Variants in COL14A1 observed in about 807,000 individuals in gnomAD.
COL14A1 encodes the protein collagen type XIV alpha 1 chain, also known as collagen alpha-1(XIV) chain.
A neutral mutation model predicts 230.3 loss-of-function variants in COL14A1; 136 were observed. The observed-to-expected ratio is 0.59, with a 90% CI of 0.51 to 0.68. The LOEUF is 0.68. Ranked by LOEUF, COL14A1 falls within the 30% of genes least tolerant of loss-of-function variation. The pLI is 0.00. For synonymous variants in COL14A1, 792 were observed against 784.1 expected, an observed-to-expected ratio of 1.01 and a Z score of -0.17; for missense variants, 1,976 against 2,215.8, an observed-to-expected ratio of 0.89 and a Z score of 2.17.
chr8:120,207,191 C>T (rs1817463847), intron 10 of COL14A1, 97 bp downstream of exon 10: 5 of 1,055,168 alleles, frequency 4.7e-6, no homozygotes, highest in African/African-American at 3.3e-5. Flanking sequence ...AAGATTATTC[C>T]GTCACAGACA....
At chr8:120,298,267 G>A (rs910063322) in intron 35 of COL14A1, among the ~76,000 whole-genome samples, 12 of 151,878 alleles carry the variant, frequency 7.9e-5, no homozygotes, top group Admixed American at 7.9e-4. Context: ...TTCACACGAA[G>A]TCCAGTGGGT....
chr8:120,271,298 A>G (rs1232783342), intron 26 of COL14A1, among the ~76,000 whole-genome samples: 1 of 151,642 alleles, frequency 6.6e-6, no homozygotes, highest in Non-Finnish European at 1.5e-5. Flanking sequence ...TGGATGATAA[A>G]ATAATCTGTG....
At chr8:120,254,465 C>A (rs1178653952) in intron 22 of COL14A1, among the ~76,000 whole-genome samples, 1 of 152,024 alleles carries the variant, frequency 6.6e-6, no homozygotes, top group East Asian at 1.9e-4. Context: ...TTGCAGAACC[C>A]TTCCATTTTG....
At chr8:120,222,166 A>G (rs916898667) in intron 14 of COL14A1, among the ~76,000 whole-genome samples, 5 of 152,196 alleles carry the variant, frequency 3.3e-5, no homozygotes, top group African/African-American at 1.2e-4. Context: ...TCAAATTGGG[A>G]GTAATAATTA....
chr8:120,231,685 C>T lies in COL14A1; in HGVS notation c.2349+67C>T, dbSNP rs114281670. ...CTAACACAGCTAATAAGACTGTCTT[C>T]GGAGATCAATGCAAACTTTACTGCT... On this transcript the variant is annotated intron_variant, in intron 19 of 47. Coordinates refer to ENST00000297848, the MANE Select transcript of COL14A1 (RefSeq NM_021110.4). 1,190 of 1,509,208 alleles carry T rather than the reference C, an allele frequency of 7.9e-4. 6 individuals are homozygous for T. The African/African-American group carries it at 0.014, about 18-fold the overall frequency. The allele number at this position is 1,509,208 out of a possible 1,614,324, so 93.5% of individuals were successfully genotyped here.
intron 2 of COL14A1, among the ~76,000 whole-genome samples, chr8:120,157,377 A>T (rs532307679): frequency 6.6e-6 from 1 of 152,198 alleles, no homozygotes; most frequent in Non-Finnish European, 1.5e-5. Context: ...CTCTCAAATT[A>T]TCATATAATC....
At chr8:120,159,526 G>A (rs1815588996) in intron 3 of COL14A1, among the ~76,000 whole-genome samples, 1 of 151,874 alleles carries the variant, frequency 6.6e-6, no homozygotes, top group South Asian at 2.1e-4. Flanking sequence ...CCTTTCAGTG[G>A]TAGACCTTTT....
chr8:120,262,987 C>G lies in COL14A1; in HGVS notation c.2989C>G (p.Pro997Ala), dbSNP rs762960506. The stretch of plus-strand genomic sequence containing the variant: ...TACAAAGCTCCAGGAGATTGAAGGA[C>G]CTAGTGTGAGCATAATGGAAAAAAC... The part of the protein sequence containing the change: ...VYTKLQEIEG[P>A]SVSIMEKTQS... Residue 997 changes from proline (P) to alanine (A), a missense_variant, in exon 24 of 48, where the codon CCT becomes GCT. Physicochemically the swap from Pro to Ala is conservative, Grantham distance 27. Coordinates refer to ENST00000297848, the MANE Select transcript of COL14A1 (RefSeq NM_021110.4). The G allele has an allele frequency of 1.2e-6, 2 of 1,611,734 alleles. No homozygotes were observed. Among genetic ancestry groups the G allele is most frequent in the Non-Finnish European group, 1.7e-6 (2 of 1,179,260 alleles).
At chr8:120,172,824 C>CTTCCCACCTTGAATGCATTAAG (rs1327895617) in intron 5 of COL14A1, among the ~76,000 whole-genome samples, 3 of 152,180 alleles carry the variant, frequency 2.0e-5, no homozygotes, top group Admixed American at 6.5e-5. Context: ...CTATCAAATA[C>CTTCCCACCTTGAATGCATTAAG]AACTTCCCAC....
At chr8:120,307,328 C>T (rs368883077) in intron 36 of COL14A1, among the ~76,000 whole-genome samples, 2 of 152,160 alleles carry the variant, frequency 1.3e-5, no homozygotes, top group East Asian at 1.9e-4. Context: ...TGATATATGG[C>T]ACTTGATAGT....
intron 1 of COL14A1, among the ~76,000 whole-genome samples, chr8:120,128,237 G>T (rs1425630062): frequency 7.5e-6 from 1 of 133,456 alleles, no homozygotes; most frequent in African/African-American, 3.6e-5. Context: ...GCGTGTGTGT[G>T]TGTGTGTGTG....
intron 42 of COL14A1, among the ~76,000 whole-genome samples, chr8:120,336,599 G>A (rs553732289): frequency 5.3e-5 from 8 of 152,144 alleles, no homozygotes; most frequent in South Asian, 4.2e-4. Flanking sequence ...CAACTCCCTC[G>A]TGTCACTGTC....
chr8:120,341,001 C>T (rs1003161432), intron 42 of COL14A1, among the ~76,000 whole-genome samples: 12 of 151,926 alleles, frequency 7.9e-5, no homozygotes, highest in African/African-American at 2.2e-4. Context: ...CATAGAGTGG[C>T]GTTTAGGGTG....
intron 1 of COL14A1, among the ~76,000 whole-genome samples, chr8:120,141,356 A>G (rs550933163): frequency 6.6e-6 from 1 of 152,242 alleles, no homozygotes; most frequent in East Asian, 1.9e-4. Context: ...TAGCCTGCAC[A>G]AGATGGGGAG....
chr8:120,164,418 T>G (rs992684980), intron 4 of COL14A1, among the ~76,000 whole-genome samples: 1 of 152,162 alleles, frequency 6.6e-6, no homozygotes, highest in African/African-American at 2.4e-5. Flanking sequence ...CTTCCCTCCC[T>G]TTTTTCTCTT....
intron 34 of COL14A1, among the ~76,000 whole-genome samples, chr8:120,296,445 C>T (rs1820534635): frequency 6.6e-6 from 1 of 151,896 alleles, no homozygotes; most frequent in African/African-American, 2.4e-5. Flanking sequence ...GTACTATCTA[C>T]TTGGGCATTA....
At chr8:120,329,293 G>A (rs568651884) in intron 40 of COL14A1, among the ~76,000 whole-genome samples, 13 of 152,080 alleles carry the variant, frequency 8.5e-5, no homozygotes, top group Non-Finnish European at 1.8e-4. Flanking sequence ...TCTTGGACAG[G>A]CTACATTTAA....
chr8:120,309,501 T>C (rs1563730523), intron 36 of COL14A1, among the ~76,000 whole-genome samples: 1 of 152,120 alleles, frequency 6.6e-6, no homozygotes, highest in Non-Finnish European at 1.5e-5. Flanking sequence ...AATAATAGTC[T>C]AGATAATATG....
At chr8:120,200,775 A>C (rs1049243911) in intron 8 of COL14A1, among the ~76,000 whole-genome samples, 1 of 113,246 alleles carries the variant, frequency 8.8e-6, no homozygotes, top group Non-Finnish European at 1.9e-5. Flanking sequence ...ATTATTTTTC[A>C]TCAGAGGAGG....
Sources: allele counts gnomAD v4.1 joint callset (sites outside exome capture counted in the v4.1 genomes callset), GRCh38; gene constraint gnomAD v4.1.1; transcripts MANE v1.5; gene names NCBI Gene and HGNC (gene_info 2026-07-23, HGNC 2026-07-21).